EXOC6B: variants seen among roughly 807,000 people sequenced by gnomAD.
The protein encoded by EXOC6B is exocyst complex component 6B, also known as SEC15 homolog B.
EXOC6B carries 54 observed loss-of-function variants against 113.5 expected under a neutral mutation model. That is an observed-to-expected ratio of 0.48 (90% confidence interval 0.38 to 0.60). EXOC6B has a LOEUF of 0.60. Among genes scored for constraint, EXOC6B ranks in the 20% least tolerant of loss-of-function variants. The probability of loss-of-function intolerance (pLI) is 0.00; values close to 1 mark genes in which losing one functional copy is unlikely to be tolerated. For synonymous variants in EXOC6B, 357 were observed against 339.0 expected, an observed-to-expected ratio of 1.05 and a Z score of -0.58; for missense variants, 797 against 977.5, an observed-to-expected ratio of 0.82 and a Z score of 2.46.
chr2:72,679,011 A>G (rs1160746614), intron 6 of EXOC6B, among the ~76,000 whole-genome samples: 1 of 152,186 alleles, frequency 6.6e-6, no homozygotes, highest in East Asian at 1.9e-4. Context: ...TGAAATCCTA[A>G]TGAAAGTTAT....
intron 8 of EXOC6B, among the ~76,000 whole-genome samples, chr2:72,543,310 T>A (rs979697280): frequency 3.3e-4 from 50 of 152,194 alleles, no homozygotes; most frequent in Admixed American, 2.4e-3. Context: ...CTTGATAAGG[T>A]TAAAATTGTA....
chr2:72,470,911 G>A (rs1195651045), intron 17 of EXOC6B, among the ~76,000 whole-genome samples: 3 of 152,138 alleles, frequency 2.0e-5, no homozygotes, highest in South Asian at 4.1e-4. Flanking sequence ...ATTGTGAATA[G>A]TGCCGCAATA....
At chr2:72,805,805 C>G (rs1685549735) in intron 1 of EXOC6B, among the ~76,000 whole-genome samples, 1 of 152,152 alleles carries the variant, frequency 6.6e-6, no homozygotes, top group Non-Finnish European at 1.5e-5. Context: ...CAGCCTCTGG[C>G]AACCACCAAC....
At chr2:72,757,030 A>AT (rs2104881036) in intron 1 of EXOC6B, among the ~76,000 whole-genome samples, 1 of 152,316 alleles carries the variant, frequency 6.6e-6, no homozygotes, top group East Asian at 1.9e-4. Flanking sequence ...GCAATTCTGA[A>AT]TTTTTTCTAT....
intron 20 of EXOC6B, among the ~76,000 whole-genome samples, chr2:72,282,826 C>T (rs544319239): frequency 5.3e-5 from 8 of 151,996 alleles, no homozygotes; most frequent in Admixed American, 1.3e-4. Context: ...AGGAATATCA[C>T]AATGTTAAAA....
At chr2:72,513,485 T>G (rs1165336706) in intron 10 of EXOC6B, among the ~76,000 whole-genome samples, 1 of 152,068 alleles carries the variant, frequency 6.6e-6, no homozygotes, top group Non-Finnish European at 1.5e-5. Context: ...TACATTTCTA[T>G]TAAATTTCTA....
At chr2:72,297,853 G>C (rs1325821730) in intron 20 of EXOC6B, among the ~76,000 whole-genome samples, 21 of 152,156 alleles carry the variant, frequency 1.4e-4, no homozygotes, top group Admixed American at 1.4e-3. Flanking sequence ...TGTGGTCTGA[G>C]AGACTGTTTA....
intron 18 of EXOC6B, among the ~76,000 whole-genome samples, chr2:72,432,041 T>C (rs1695567243): frequency 6.6e-6 from 1 of 152,080 alleles, no homozygotes; most frequent in African/African-American, 2.4e-5. Flanking sequence ...TTTTTTCTTT[T>C]TTCTTTTTTT....
At chr2:72,780,935 A>C (rs566581029) in intron 1 of EXOC6B, among the ~76,000 whole-genome samples, 105 of 152,210 alleles carry the variant, frequency 6.9e-4, no homozygotes, top group African/African-American at 2.5e-3. Flanking sequence ...GGAAAAAAAA[A>C]CTTTTAAATT....
intron 6 of EXOC6B, among the ~76,000 whole-genome samples, chr2:72,671,776 AAAGAAAGAAAGAAAGAAAGAAAG>A (rs1210116504): frequency 0.013 from 1,553 of 120,622 alleles, 18 homozygotes; most frequent in South Asian, 0.042. Flanking sequence ...AGAAAGAAAG[AAAGAAAGAAAGAAAGAAAGAAAG>A]AAAGAAAGAA....
chr2:72,617,543 G>A lies in EXOC6B; in HGVS notation c.670-41875C>T, dbSNP rs1221520770. Among the ~76,000 whole-genome samples the A allele has an allele frequency of 6.6e-5, 8 of 120,462 alleles. 1 individual carries two copies. Among genetic ancestry groups the A allele is most frequent in the African/African-American group, 2.5e-4 (8 of 32,068 alleles). 79.0% of individuals were successfully genotyped at this position (120,462 alleles called of 152,430 possible). The stretch of plus-strand genomic sequence containing the variant: ...TTTTTTTTTTTTTTTTTTTTTTGAG[G>A]CAGGAGTCTTGCTCTGTCACCCAGG... On this transcript the variant is annotated intron_variant, in intron 6 of 21. Coordinates refer to ENST00000272427, the MANE Select transcript of EXOC6B (RefSeq NM_015189.3).
At chr2:72,553,169 T>A (rs1476590401) in intron 8 of EXOC6B, among the ~76,000 whole-genome samples, 1 of 152,048 alleles carries the variant, frequency 6.6e-6, no homozygotes, top group East Asian at 1.9e-4. Context: ...CCTATAAAAA[T>A]CAATAGTTTT....
At chr2:72,623,213 A>T (rs1447066927) in intron 6 of EXOC6B, among the ~76,000 whole-genome samples, 1 of 152,194 alleles carries the variant, frequency 6.6e-6, no homozygotes, top group Non-Finnish European at 1.5e-5. Context: ...TCCTCTTCTC[A>T]GTCTACAGTG....
chr2:72,369,779 C>A (rs1317006258), intron 19 of EXOC6B, among the ~76,000 whole-genome samples: 1 of 152,180 alleles, frequency 6.6e-6, no homozygotes. Context: ...CCCTATTTAA[C>A]AAATGGTGCT....
intron 1 of EXOC6B, among the ~76,000 whole-genome samples, chr2:72,823,364 A>G (rs1444305834): frequency 1.4e-5 from 2 of 146,020 alleles, no homozygotes; most frequent in African/African-American, 4.9e-5. Context: ...AACAAGTTTT[A>G]GGGAGACTGG....
intron 18 of EXOC6B, among the ~76,000 whole-genome samples, chr2:72,449,709 T>C (rs1436817897): frequency 6.6e-6 from 1 of 152,194 alleles, no homozygotes; most frequent in Non-Finnish European, 1.5e-5. Context: ...AGTTATTATT[T>C]TGGATGACCT....
chr2:72,792,865 A>G (rs1158207638), intron 1 of EXOC6B, among the ~76,000 whole-genome samples: 1 of 152,098 alleles, frequency 6.6e-6, no homozygotes, highest in Non-Finnish European at 1.5e-5. Context: ...TTTATATTTC[A>G]CTATATATGT....
At chr2:72,639,478 G>A (rs950160347) in intron 6 of EXOC6B, among the ~76,000 whole-genome samples, 4 of 152,188 alleles carry the variant, frequency 2.6e-5, no homozygotes, top group Non-Finnish European at 5.9e-5. Context: ...TGCCGGCATG[G>A]AGGCAGACAC....
chr2:72,759,387 T>G (rs1335367865), intron 1 of EXOC6B, among the ~76,000 whole-genome samples: 1 of 152,200 alleles, frequency 6.6e-6, no homozygotes, highest in African/African-American at 2.4e-5. Context: ...GTTTTGACAG[T>G]CATATCATGC....
Sources: gnomAD v4.1 joint callset for allele counts (sites outside exome capture counted in the v4.1 genomes callset) on GRCh38, gnomAD v4.1.1 for gene constraint, MANE v1.5 for transcripts, NCBI Gene and HGNC (gene_info 2026-07-23, HGNC 2026-07-21) for gene names.